Variants in PDZD2 observed in about 807,000 individuals in gnomAD.
PDZD2 encodes PDZ domain-containing protein 2.
PDZD2 carries 90 observed loss-of-function variants against 220.7 expected under a neutral mutation model. The observed-to-expected ratio is 0.41, with a 90% CI of 0.34 to 0.49. PDZD2 has a LOEUF of 0.49. PDZD2 is among the 20% of genes least tolerant of loss of function. The probability of loss-of-function intolerance (pLI) is 0.28; values close to 1 mark genes in which losing one functional copy is unlikely to be tolerated. For missense variants in PDZD2, 3,174 were observed against 3,608.5 expected (o/e 0.88, Z 3.08); for synonymous variants, 1,375 against 1,450.5 (o/e 0.95, Z 1.18).
intron 2 of PDZD2, among the ~76,000 whole-genome samples, chr5:31,836,121 G>A (rs1756926876): frequency 6.6e-6 from 1 of 151,720 alleles, no homozygotes; most frequent in Non-Finnish European, 1.5e-5. Context: ...TGACTTAGAT[G>A]TTTTGAAATA....
At chr5:31,881,051 A>C (rs931333642) in intron 2 of PDZD2, among the ~76,000 whole-genome samples, 1 of 151,494 alleles carries the variant, frequency 6.6e-6, no homozygotes, top group South Asian at 2.1e-4. Context: ...ACGCCCGCCT[A>C]GGCCTCCCAA....
At position 31,931,746 on chromosome 5, in the gene PDZD2, C is replaced by T. The variant is rs553583018; in HGVS notation, c.477-51409C>T. Among the ~76,000 whole-genome samples, 8 of 152,268 alleles carry T rather than the reference C, an allele frequency of 5.3e-5. No individual in the cohort carries two copies. The East Asian group carries it at 1.5e-3, about 29-fold the overall frequency. ...AGCTCTGTCCACTAGAGGCTTATGGCTCATGGGACAGATTTGACAGCTAAG... is the reference window on the plus strand; with the variant it reads ...AGCTCTGTCCACTAGAGGCTTATGGTTCATGGGACAGATTTGACAGCTAAG... On this transcript the variant is annotated intron_variant, in intron 2 of 24. Transcript: ENST00000438447.
At chr5:31,671,409 A>G (rs1317388800) in intron 1 of PDZD2, among the ~76,000 whole-genome samples, 1 of 152,158 alleles carries the variant, frequency 6.6e-6, no homozygotes, top group Non-Finnish European at 1.5e-5. Flanking sequence ...TTGTTGTCTG[A>G]GAGCTTTGAA....
At chr5:31,909,966 C>T (rs1297504428) in intron 2 of PDZD2, among the ~76,000 whole-genome samples, 1 of 152,156 alleles carries the variant, frequency 6.6e-6, no homozygotes, top group Non-Finnish European at 1.5e-5. Flanking sequence ...TACCTTCATC[C>T]CTTCATCCTA....
At chr5:31,731,814 C>T (rs1749551969) in intron 1 of PDZD2, among the ~76,000 whole-genome samples, 1 of 152,198 alleles carries the variant, frequency 6.6e-6, no homozygotes, top group Non-Finnish European at 1.5e-5. Flanking sequence ...CTATGAACAT[C>T]CATGCTGAGT....
intron 1 of PDZD2, among the ~76,000 whole-genome samples, chr5:31,745,807 T>C (rs1750570327): frequency 1.3e-5 from 1 of 77,704 alleles, no homozygotes; most frequent in Admixed American, 2.2e-4. Flanking sequence ...CTCATGTAAA[T>C]GATTTTTTTT....
In PDZD2 at chr5:31,983,619, G is replaced by A; in HGVS notation, c.941G>A (p.Gly314Glu). ...GACAAACGCCGCTTCTCAAAAGGTG[G>A]GAAGACGGACTTCCAATCGAGTGAC... Reference protein sequence around the residue: ...SNDKRRFSKGGKTDFQSSDCL... With the variant: ...SNDKRRFSKGEKTDFQSSDCL... The change falls in exon 3 of 25, where the codon GGG (glycine) becomes GAG (glutamate). Residue 314 changes from glycine to glutamate, a missense_variant. Around this residue, in one of 4 missense-constraint regions of PDZD2, gnomAD observed 632 missense variants for 708.1 expected, o/e 0.89. Transcript: ENST00000438447. The A allele has an allele frequency of 4.3e-6, 7 of 1,614,086 alleles. No homozygotes were observed. Among genetic ancestry groups the A allele is most frequent in the South Asian group, 2.2e-5 (2 of 91,080 alleles).
At chr5:32,105,807 A>C (rs1322345599) in intron 24 of PDZD2, among the ~76,000 whole-genome samples, 2 of 152,252 alleles carry the variant, frequency 1.3e-5, no homozygotes, top group Non-Finnish European at 2.9e-5. Flanking sequence ...ATCCTGCTCA[A>C]ATCTGTTAAG....
rs1468410192 is a variant in PDZD2 at position 31,639,725 on chromosome 5, G to A, written c.-361+288G>A. Among the ~76,000 whole-genome samples the A allele has an allele frequency of 1.3e-5, 2 of 152,170 alleles. No homozygotes were observed. The highest frequency in any genetic ancestry group is 6.5e-5 in the Admixed American group (1 of 15,278). On this transcript the variant is annotated intron_variant, in intron 1 of 24. Coordinates refer to ENST00000438447, the MANE Select transcript of PDZD2 (RefSeq NM_178140.4). The surrounding 1 kb of genome is among the most constrained non-coding windows in gnomAD (Gnocchi z 4.1). The stretch of plus-strand genomic sequence containing the variant: ...GCGGGACAACCGGAGACGCACTGCC[G>A]GGGGTACTCAAGACAGGGCCGGGAC...
chr5:31,806,360 G>T (rs1411986540), intron 2 of PDZD2, among the ~76,000 whole-genome samples: 1 of 152,184 alleles, frequency 6.6e-6, no homozygotes, highest in Non-Finnish European at 1.5e-5. Flanking sequence ...CAGAACTTCT[G>T]TACCCCAGAC....
intron 1 of PDZD2, among the ~76,000 whole-genome samples, chr5:31,641,544 G>GTTT (rs1744946156): frequency 7.3e-6 from 1 of 137,538 alleles, no homozygotes; most frequent in African/African-American, 3.3e-5. Flanking sequence ...AGATGTGTGA[G>GTTT]ATATTTTTTT....
chr5:31,745,230 GA>G (rs1442689269), intron 1 of PDZD2, among the ~76,000 whole-genome samples: 1 of 152,064 alleles, frequency 6.6e-6, no homozygotes, highest in Middle Eastern at 3.4e-3. Flanking sequence ...GTTTATTGTA[GA>G]AAAAATAGAC....
chr5:31,752,082 T>TG (rs1310222131), intron 1 of PDZD2, among the ~76,000 whole-genome samples: 1 of 128,452 alleles, frequency 7.8e-6, no homozygotes, highest in East Asian at 2.3e-4. Flanking sequence ...TGTTTTTTTT[T>TG]TTTTTTTTCT....
At chr5:31,680,069 T>G (rs1258671104) in intron 1 of PDZD2, among the ~76,000 whole-genome samples, 2 of 152,218 alleles carry the variant, frequency 1.3e-5, no homozygotes, top group African/African-American at 4.8e-5. Flanking sequence ...TATTTTATAT[T>G]TATAATGCCT....
chr5:31,724,602 CAAAAAAAAAA>C (rs35523154), intron 1 of PDZD2, among the ~76,000 whole-genome samples: 2 of 61,014 alleles, frequency 3.3e-5, no homozygotes, highest in Admixed American at 2.2e-4. Flanking sequence ...AATTCCGTCT[CAAAAAAAAAA>C]AAAAAAAAAA....
intron 1 of PDZD2, among the ~76,000 whole-genome samples, chr5:31,649,911 C>A (rs1973198): frequency 5.0e-5 from 6 of 120,302 alleles, no homozygotes; most frequent in African/African-American, 1.9e-4. Flanking sequence ...GCACTCCAGC[C>A]TGGGCGACAG....
rs971495014 is a variant in PDZD2, at chr5:31,937,316, C to T, written c.477-45839C>T. Among the ~76,000 whole-genome samples the T allele has an allele frequency of 2.6e-5, 4 of 152,066 alleles. No individual in the cohort carries two copies. In the East Asian group the frequency reaches 7.7e-4, roughly 29 times the overall value. Reference sequence around the variant, plus strand: ...TGGAGGAGGTTGGATAGAAATGGTGCGTGTGGTCAGCCTGAGAAGAACGTC... The same window carrying T: ...TGGAGGAGGTTGGATAGAAATGGTGTGTGTGGTCAGCCTGAGAAGAACGTC... On this transcript the variant is annotated intron_variant, in intron 2 of 24. Transcript: ENST00000438447.
At chr5:32,064,689 C>T (rs970585322) in intron 14 of PDZD2, among the ~76,000 whole-genome samples, 11 of 152,082 alleles carry the variant, frequency 7.2e-5, no homozygotes, top group Admixed American at 3.3e-4. Context: ...TCACTAAGGG[C>T]GGGTGCGGTC....
chr5:32,050,763 G>A (rs1738462486), intron 8 of PDZD2, among the ~76,000 whole-genome samples: 1 of 152,194 alleles, frequency 6.6e-6, no homozygotes. Flanking sequence ...CAAGACTGCA[G>A]TGAGCTGTGA....
Sources: allele counts gnomAD v4.1 joint callset (sites outside exome capture counted in the v4.1 genomes callset), GRCh38; gene constraint gnomAD v4.1.1; regional missense constraint gnomAD v4.1.1; non-coding constraint Gnocchi (gnomAD v3.1); transcripts MANE v1.5; gene names NCBI Gene and HGNC (gene_info 2026-07-23, HGNC 2026-07-21).